The following CTNNBL1 variants were observed in gnomAD, a reference collection of about 807,000 sequenced individuals.
CTNNBL1 encodes the protein beta-catenin-like protein 1.
In CTNNBL1, 31 loss-of-function variants were observed where a neutral mutation model predicts 72.7. The observed-to-expected ratio is 0.43, with a 90% CI of 0.32 to 0.58. The LOEUF (loss-of-function observed/expected upper bound fraction) is 0.58, where lower values mean the gene tolerates loss of function less well. CTNNBL1 is among the 20% of genes least tolerant of loss of function. CTNNBL1 has a pLI of 0.08. For missense variants in CTNNBL1, 534 were observed against 725.1 expected, an observed-to-expected ratio of 0.74 and a Z score of 3.03; for synonymous variants, 240 against 267.3, an observed-to-expected ratio of 0.90 and a Z score of 1.00.
At chr20:37,762,477 G>A (rs762555201) in intron 5 of CTNNBL1, among the ~76,000 whole-genome samples, 3 of 152,134 alleles carry the variant, frequency 2.0e-5, no homozygotes, top group East Asian at 1.9e-4. Flanking sequence ...TTTAACTCCC[G>A]GAATATTGTT....
chr20:37,837,284 C>T (rs145999460), intron 11 of CTNNBL1, among the ~76,000 whole-genome samples: 5 of 152,186 alleles, frequency 3.3e-5, no homozygotes, highest in African/African-American at 9.6e-5. Context: ...AGGCAGGGCC[C>T]GTTCTCTCCA....
At chr20:37,821,812 A>G (rs903749771) in intron 11 of CTNNBL1, among the ~76,000 whole-genome samples, 1 of 152,178 alleles carries the variant, frequency 6.6e-6, no homozygotes, top group African/African-American at 2.4e-5. Context: ...CATATTGTAG[A>G]GTGTTCAGCA....
intron 15 of CTNNBL1, among the ~76,000 whole-genome samples, chr20:37,861,551 G>A (rs1276444288): frequency 1.3e-5 from 2 of 152,230 alleles, no homozygotes; most frequent in Non-Finnish European, 2.9e-5. Context: ...TAAGATGAAG[G>A]ACTAGGCTAG....
chr20:37,765,266 G>A lies in CTNNBL1; in HGVS notation c.634G>A (p.Ala212Thr). ...ERLDESVKEE[A>T]DGVHNTLAIV... is the part of the protein sequence containing the mutation. ...CCTGGATGAGTCTGTGAAAGAGGAGGCAGATGGCGTCCACAACACTCTGGG... is the reference window on the plus strand; with the variant it reads ...CCTGGATGAGTCTGTGAAAGAGGAGACAGATGGCGTCCACAACACTCTGGG... The change falls in exon 6 of 16, where the codon GCA becomes ACA. Residue 212 changes from alanine to threonine, a missense_variant. By Grantham distance (58) the Ala-to-Thr change is moderately conservative (BLOSUM62 0). Transcript: ENST00000361383. The A allele has an allele frequency of 6.4e-7, 1 of 1,551,192 alleles. No homozygotes were observed. Among genetic ancestry groups the A allele is most frequent in the Non-Finnish European group, 8.7e-7 (1 of 1,146,560 alleles).
intron 11 of CTNNBL1, among the ~76,000 whole-genome samples, chr20:37,825,612 T>C (rs1197476852): frequency 6.6e-6 from 1 of 152,092 alleles, no homozygotes; most frequent in Admixed American, 6.5e-5. Flanking sequence ...GAAGTGGAGA[T>C]TGCAGGGAGC....
Position 37,859,973 on chromosome 20 carries a change from G to A in CTNNBL1, c.1467G>A (p.Gly489=), listed in dbSNP as rs917103177. 2 of 1,614,164 alleles carry A rather than the reference G, an allele frequency of 1.2e-6. No homozygotes were observed. The highest frequency in any genetic ancestry group is 1.7e-6 in the Non-Finnish European group (2 of 1,180,032). ...EEFYLRRLDA[G]LFVLQHICYI... ...TCTACCTCCGGCGCCTGGATGCGGG[G>A]CTCTTTGTTCTCCAGCACATCTGCT... Residue 489 remains glycine, a synonymous_variant, in exon 14 of 16, where the codon GGG becomes GGA. Transcript: ENST00000361383.
intron 13 of CTNNBL1, among the ~76,000 whole-genome samples, chr20:37,844,014 C>T (rs1683078872): frequency 6.6e-6 from 1 of 152,176 alleles, no homozygotes. Context: ...TTAAACTTTC[C>T]GTTTCCATCT....
chr20:37,823,458 G>A (rs1230202375), intron 11 of CTNNBL1, among the ~76,000 whole-genome samples: 1 of 152,112 alleles, frequency 6.6e-6, no homozygotes, highest in Non-Finnish European at 1.5e-5. Context: ...GGGAGTGTGA[G>A]TGTGTGTGGA....
chr20:37,703,141 TAG>T (rs1179173475), intron 1 of CTNNBL1, among the ~76,000 whole-genome samples: 2 of 152,232 alleles, frequency 1.3e-5, no homozygotes, highest in Admixed American at 6.5e-5. Context: ...ATAAAAATAG[TAG>T]AGTTTCCGTA....
chr20:37,728,078 C>T (rs1211768563), intron 1 of CTNNBL1, among the ~76,000 whole-genome samples: 2 of 152,128 alleles, frequency 1.3e-5, no homozygotes, highest in Non-Finnish European at 1.5e-5. Context: ...TCCATTTTAG[C>T]TTGTATCAGG....
intron 11 of CTNNBL1, among the ~76,000 whole-genome samples, chr20:37,835,787 T>C (rs1227707715): frequency 6.6e-6 from 1 of 152,150 alleles, no homozygotes; most frequent in African/African-American, 2.4e-5. Context: ...TAGTTAAAAT[T>C]GTGATAAATA....
At chr20:37,799,827 T>C (rs2073808917) in intron 10 of CTNNBL1, among the ~76,000 whole-genome samples, 1 of 152,196 alleles carries the variant, frequency 6.6e-6, no homozygotes, top group South Asian at 2.1e-4. Context: ...GAAATAAAGA[T>C]AGGAATAGGT....
chr20:37,843,486 G>A (rs1783497706), intron 13 of CTNNBL1, among the ~76,000 whole-genome samples: 1 of 152,188 alleles, frequency 6.6e-6, no homozygotes, highest in Admixed American at 6.5e-5. Context: ...GGGATGTGGG[G>A]AGACAGTGAC....
rs1485365155 is a variant in CTNNBL1, at chr20:37,844,510, C to T, written c.1392+2091C>T. Among the ~76,000 whole-genome samples the T allele has an allele frequency of 3.3e-5, 5 of 152,144 alleles. No individual in the cohort carries two copies. The East Asian group carries it at 7.7e-4, about 23-fold the overall frequency. Reference sequence around the variant, plus strand: ...ACTGGTCTTCTAGATAGAGGTGCAACGGTCTAGTAGAAAAGGTAATCTTGC... The same window carrying T: ...ACTGGTCTTCTAGATAGAGGTGCAATGGTCTAGTAGAAAAGGTAATCTTGC... On this transcript the variant is annotated intron_variant, in intron 13 of 15. Coordinates refer to ENST00000361383, the MANE Select transcript of CTNNBL1 (RefSeq NM_030877.5).
At chr20:37,783,106 T>G (rs1187292768) in intron 10 of CTNNBL1, among the ~76,000 whole-genome samples, 1 of 152,194 alleles carries the variant, frequency 6.6e-6, no homozygotes, top group African/African-American at 2.4e-5. Flanking sequence ...AGACAGGATT[T>G]CACCATGTTG....
At chr20:37,824,727 C>T (rs536770999) in intron 11 of CTNNBL1, among the ~76,000 whole-genome samples, 2 of 152,318 alleles carry the variant, frequency 1.3e-5, no homozygotes, top group East Asian at 3.9e-4. Context: ...ATTTTTATCA[C>T]AGGGCCAGGG....
chr20:37,809,989 CTCAGCA>C (rs2122750325), intron 11 of CTNNBL1, among the ~76,000 whole-genome samples: 1 of 152,006 alleles, frequency 6.6e-6, no homozygotes, highest in African/African-American at 2.4e-5. Context: ...CATAAGGCTG[CTCAGCA>C]TCTGTCCTGT....
intron 5 of CTNNBL1, among the ~76,000 whole-genome samples, chr20:37,764,106 G>C (rs1045988706): frequency 2.6e-5 from 4 of 152,098 alleles, no homozygotes; most frequent in Admixed American, 2.6e-4. Flanking sequence ...TCTTTGAGGA[G>C]CTGCCATGAA....
At chr20:37,722,106 A>T (rs1383085300) in intron 1 of CTNNBL1, among the ~76,000 whole-genome samples, 1 of 152,022 alleles carries the variant, frequency 6.6e-6, no homozygotes, top group African/African-American at 2.4e-5. Flanking sequence ...GCTACTTTTT[A>T]TATGCTTATG....
Sources: gnomAD v4.1 joint callset for allele counts (sites outside exome capture counted in the v4.1 genomes callset) on GRCh38, gnomAD v4.1.1 for gene constraint, MANE v1.5 for transcripts, NCBI Gene and HGNC (gene_info 2026-07-23, HGNC 2026-07-21) for gene names.